TXNDC16: variants seen among roughly 807,000 people sequenced by gnomAD.
The protein encoded by TXNDC16 is thioredoxin domain-containing protein 16.
TXNDC16 carries 74 observed loss-of-function variants against 85.6 expected under a neutral mutation model. The ratio of observed to expected loss-of-function variants is 0.86; its 90% CI spans 0.72 to 1.05. The LOEUF (loss-of-function observed/expected upper bound fraction) is 1.05. Ranked by LOEUF, TXNDC16 falls within the 50% of genes least tolerant of loss-of-function variation. TXNDC16 has a pLI of 0.00. For synonymous variants in TXNDC16, 335 were observed against 326.5 expected (o/e 1.03, Z -0.28); for missense variants, 959 against 947.0 (o/e 1.01, Z -0.17).
intron 17 of TXNDC16, 60 bp downstream of exon 17, chr14:52,457,030 T>C (rs2035550782): frequency 8.7e-7 from 1 of 1,152,664 alleles, no homozygotes; most frequent in African/African-American, 1.6e-5. Flanking sequence ...AAGCAATTAT[T>C]AGATAACATT....
At chr14:52,543,111 A>G (rs928671169) in intron 3 of TXNDC16, among the ~76,000 whole-genome samples, 5 of 152,178 alleles carry the variant, frequency 3.3e-5, no homozygotes, top group Non-Finnish European at 5.9e-5. Flanking sequence ...AGTATTTACT[A>G]TGAACTCAGC....
At position 52,432,289 on chromosome 14, in the gene TXNDC16, C is replaced by A; in HGVS notation, c.*15G>T. ...ATCATGCCAAAAAAATTTTGGAAACCACAGCCCTATAAAATTAGTTCACTT... is the reference window on the plus strand; with the variant it reads ...ATCATGCCAAAAAAATTTTGGAAACAACAGCCCTATAAAATTAGTTCACTT... On this transcript the variant is annotated 3_prime_UTR_variant, in exon 21 of 21. Coordinates refer to ENST00000281741, the MANE Select transcript of TXNDC16 (RefSeq NM_020784.3). The A allele has an allele frequency of 1.3e-6, 2 of 1,576,188 alleles. No individual in the cohort carries two copies. The highest frequency in any genetic ancestry group is 1.7e-6 in the Non-Finnish European group (2 of 1,163,032).
chr14:52,456,387 C>A (rs1016815001), intron 17 of TXNDC16, among the ~76,000 whole-genome samples: 1 of 152,082 alleles, frequency 6.6e-6, no homozygotes, highest in Admixed American at 6.6e-5. Flanking sequence ...TTAATATATA[C>A]TTTATGAAAA....
At position 52,514,957 on chromosome 14, in the gene TXNDC16, G is replaced by T; in HGVS notation, c.528C>A (p.Val176=). ...TCCCATACACAAAAGCGGCTTCCAT[G>T]ACTGCTCTGTGCTCTGAAGAAGAGA... is the stretch of plus-strand genomic sequence containing the variant. ...RAIGIPEHRA[V]MEAAFVYGTT... The change falls in exon 8 of 21, where the codon GTC becomes GTA. Residue 176 remains valine (V), a synonymous_variant. Coordinates refer to ENST00000281741, the MANE Select transcript of TXNDC16 (RefSeq NM_020784.3). The T allele has an allele frequency of 6.2e-7, 1 of 1,612,312 alleles. No homozygotes were observed. The highest frequency in any genetic ancestry group is 1.1e-5 in the South Asian group (1 of 90,796).
chr14:52,512,529 T>C (rs1411914936), intron 8 of TXNDC16, among the ~76,000 whole-genome samples: 1 of 152,192 alleles, frequency 6.6e-6, no homozygotes, highest in Non-Finnish European at 1.5e-5. Context: ...AATAGTCACA[T>C]ACTGCTGAAA....
chr14:52,535,775 T>C (rs1363942261), intron 6 of TXNDC16, among the ~76,000 whole-genome samples: 2 of 152,142 alleles, frequency 1.3e-5, no homozygotes, highest in Admixed American at 6.5e-5. Context: ...TGGGACAAAC[T>C]CTTTCTGTAC....
intron 9 of TXNDC16, among the ~76,000 whole-genome samples, chr14:52,493,216 T>TACACACAC (rs35747449): frequency 3.5e-4 from 40 of 115,896 alleles, no homozygotes; most frequent in Middle Eastern, 4.3e-3. Flanking sequence ...TATATATATA[T>TACACACAC]ACACACACAC....
Position 52,543,385 on chromosome 14 carries a change from T to A in TXNDC16, c.160+13A>T. The A allele has an allele frequency of 6.3e-7, 1 of 1,593,300 alleles. No homozygotes were observed. Among genetic ancestry groups the A allele is most frequent in the Non-Finnish European group, 8.5e-7 (1 of 1,174,132 alleles). ...CATCACAAGAATCATATTAGAATTT[T>A]AAAAATACTTACCAGCTTGACAAAA... On this transcript the variant is annotated intron_variant, in intron 3 of 20. Transcript: ENST00000281741.
intron 6 of TXNDC16, among the ~76,000 whole-genome samples, chr14:52,521,412 C>A (rs974124272): frequency 6.6e-6 from 1 of 151,990 alleles, no homozygotes; most frequent in African/African-American, 2.4e-5. Flanking sequence ...TGAGTCACTG[C>A]GCCTGGCCTT....
intron 9 of TXNDC16, among the ~76,000 whole-genome samples, chr14:52,510,667 A>T (rs2036933253): frequency 6.6e-6 from 1 of 152,240 alleles, no homozygotes; most frequent in Admixed American, 6.5e-5. Flanking sequence ...TTTAAAAAAG[A>T]CATACTGAAT....
At chr14:52,437,681 A>G (rs1364130512) in intron 20 of TXNDC16, among the ~76,000 whole-genome samples, 1 of 152,246 alleles carries the variant, frequency 6.6e-6, no homozygotes, top group Non-Finnish European at 1.5e-5. Context: ...AGGGATTAAT[A>G]GCCAGAGAAT....
intron 4 of TXNDC16, among the ~76,000 whole-genome samples, chr14:52,542,012 T>A (rs563847201): frequency 2.0e-5 from 3 of 152,142 alleles, no homozygotes; most frequent in African/African-American, 7.2e-5. Context: ...CTAATAAAAA[T>A]TTAAAAACAG....
chr14:52,540,186 C>A (rs1048364485), intron 4 of TXNDC16, among the ~76,000 whole-genome samples: 8 of 152,184 alleles, frequency 5.3e-5, no homozygotes, highest in African/African-American at 1.9e-4. Flanking sequence ...GACTAGAATA[C>A]GTAGCCCATT....
intron 12 of TXNDC16, among the ~76,000 whole-genome samples, chr14:52,487,769 A>T (rs1400999287): frequency 6.6e-6 from 1 of 152,262 alleles, no homozygotes; most frequent in African/African-American, 2.4e-5. Context: ...CAGACTCTTC[A>T]TGTATAAAAT....
At chr14:52,494,142 GATAT>G (rs60266134) in intron 9 of TXNDC16, among the ~76,000 whole-genome samples, 1 of 148,952 alleles carries the variant, frequency 6.7e-6, no homozygotes, top group Admixed American at 6.7e-5. Context: ...TTTTAGGAAA[GATAT>G]ATATATATAT....
At chr14:52,484,588 T>C (rs1018499372) in intron 12 of TXNDC16, among the ~76,000 whole-genome samples, 2 of 152,082 alleles carry the variant, frequency 1.3e-5, no homozygotes, top group Admixed American at 1.3e-4. Context: ...GTGAGTCATA[T>C]AGCACATAAG....
At chr14:52,520,343 G>T (rs1277799229) in intron 6 of TXNDC16, among the ~76,000 whole-genome samples, 1 of 152,078 alleles carries the variant, frequency 6.6e-6, no homozygotes, top group Non-Finnish European at 1.5e-5. Flanking sequence ...TCTACTTCTG[G>T]CCGAGCACAG....
rs761688804 is a variant in TXNDC16, at chr14:52,482,963, C to A, written c.1111G>T (p.Val371Phe). ...DNDMEGPDID[V>F]QDDEVAETVF... ...GTTTCTGCCACTTCATCATCCTGAA[C>A]ATCTAAAATGTTGGAAAAGAAATTA... The change falls in exon 13 of 21, where the codon GTT becomes TTT. Residue 371 changes from valine (V) to phenylalanine (F), a missense_variant and splice_region_variant. Val to Phe is a conservative substitution (Grantham distance 50, BLOSUM62 -1). Transcript: ENST00000281741. The A allele has an allele frequency of 1.2e-5, 19 of 1,598,306 alleles. No homozygotes were observed. Among genetic ancestry groups the A allele is most frequent in the Non-Finnish European group, 1.6e-5 (19 of 1,176,206 alleles).
Position 52,542,401 on chromosome 14 carries a change from A to G in TXNDC16, c.213T>C (p.Pro71=). 3 of 1,612,376 alleles carry G rather than the reference A, an allele frequency of 1.9e-6. No individual in the cohort carries two copies. Among genetic ancestry groups the G allele is most frequent in the Non-Finnish European group, 1.7e-6 (2 of 1,179,202 alleles). The change falls in exon 4 of 21, where the codon CCT becomes CCC. Residue 71 remains proline, a synonymous_variant. Transcript: ENST00000281741. ...CAACTGAAATTCCATAGTCCTGCAGAGGTCTAACAGCCTCATTCAGTTCTT... is the reference window on the plus strand; with the variant it reads ...CAACTGAAATTCCATAGTCCTGCAGGGGTCTAACAGCCTCATTCAGTTCTT... ...FLEELNEAVR[P]LQDYGISVAK...
Sources: allele counts gnomAD v4.1 joint callset (sites outside exome capture counted in the v4.1 genomes callset), GRCh38; gene constraint gnomAD v4.1.1; transcripts MANE v1.5; gene names NCBI Gene and HGNC (gene_info 2026-07-23, HGNC 2026-07-21).